Variants in TBX15 observed in about 807,000 individuals in gnomAD.
TBX15 encodes the protein T-box transcription factor 15.
TBX15 carries 18 observed loss-of-function variants against 53.9 expected under a neutral mutation model. The ratio of observed to expected loss-of-function variants is 0.33; its 90% confidence interval spans 0.23 to 0.49. TBX15 has a LOEUF of 0.49. Among genes scored for constraint, TBX15 ranks in the 20% least tolerant of loss-of-function variants. TBX15 has a pLI of 0.98. For synonymous variants in TBX15, 295 were observed against 278.0 expected (o/e 1.06, Z -0.61); for missense variants, 692 against 749.5 (o/e 0.92, Z 0.90).
At position 118,884,891 on chromosome 1, in the gene TBX15, C is replaced by A. The variant is rs1653872870; in HGVS notation, c.1650G>T (p.Gly550=). Residue 550 remains glycine (G), a synonymous_variant, in exon 8 of 8, where the codon GGG becomes GGT. Transcript: ENST00000369429. The stretch of plus-strand genomic sequence containing the variant: ...GCAGGTACTGCCTCTCTCCAAAGGC[C>A]CCGTTGGAAGGAGAAGAACAGAGTA... ...STLLCSSPSN[G]AFGERQYLPS... is the part of the protein sequence containing the mutation. 1 of 1,614,132 alleles carries A rather than the reference C, an allele frequency of 6.2e-7. No homozygotes were observed.
Position 118,893,490 on chromosome 1 carries a change from GAAA to G in TBX15, c.1024+5535_1024+5537del, listed in dbSNP as rs879870742. ...GAAAGGAAGGAAGGAAGGAAGGAAAGAAAGAAAGAAAGAAAGAAAGAAAGAAAG... is the reference window on the plus strand; with the variant it reads ...GAAAGGAAGGAAGGAAGGAAGGAAAGGAAAGAAAGAAAGAAAGAAAGAAAG... On this transcript the variant is annotated intron_variant, in intron 7 of 7. Transcript: ENST00000369429. 4.3e-3 allele frequency among the ~76,000 whole-genome samples: 365 copies of G among 85,238 alleles called. 3 individuals carry two copies. The highest frequency in any genetic ancestry group is 5.3e-3 in the South Asian group (15 of 2,808). 55.9% of individuals were successfully genotyped at this position (85,238 alleles called of 152,430 possible). A position where few individuals can be genotyped will look rare whatever the true frequency, so the allele number is the denominator to read the frequency against.
chr1:118,940,772 A>T (rs1315407180), intron 1 of TBX15, among the ~76,000 whole-genome samples: 1 of 151,950 alleles, frequency 6.6e-6, no homozygotes, highest in Non-Finnish European at 1.5e-5. Flanking sequence ...GACTTTTCTA[A>T]AACAGTCCTA....
chr1:118,983,006 G>C (rs1325937), intron 1 of TBX15, among the ~76,000 whole-genome samples: 24,417 of 152,134 alleles, frequency 0.16, 2,891 homozygotes, highest in East Asian at 0.5. Context: ...GAAAGCCTTC[G>C]CTGCCCATGA....
intron 5 of TBX15, among the ~76,000 whole-genome samples, chr1:118,919,886 T>A (rs1655365198): frequency 6.6e-6 from 1 of 152,192 alleles, no homozygotes; most frequent in Admixed American, 6.6e-5. Context: ...GTGACATTTT[T>A]ATATCAAAAA....
At chr1:118,890,030 G>T (rs1654083276) in intron 7 of TBX15, among the ~76,000 whole-genome samples, 1 of 152,148 alleles carries the variant, frequency 6.6e-6, no homozygotes. Context: ...TGCGGTGTTG[G>T]CCTCTGTCTG....
intron 6 of TBX15, among the ~76,000 whole-genome samples, chr1:118,906,910 C>T (rs1010506855): frequency 3.9e-5 from 6 of 152,196 alleles, no homozygotes; most frequent in Non-Finnish European, 8.8e-5. Flanking sequence ...CCTATTGTTT[C>T]TTCAGTGAGG....
chr1:118,987,589 A>T lies in TBX15; in HGVS notation c.205+2T>A. On this transcript the variant is annotated splice_donor_variant, in intron 1 of 7. Coordinates refer to ENST00000369429, the MANE Select transcript of TBX15 (RefSeq NM_001330677.2). LOFTEE classifies it high-confidence loss of function. ...TCCCGCGGTCGGCTGCGACGCACTCACCCGGGTGAGGCTCCAGGCCGTGTG... is the reference window on the plus strand; with the variant it reads ...TCCCGCGGTCGGCTGCGACGCACTCTCCCGGGTGAGGCTCCAGGCCGTGTG... 1 of 1,545,040 alleles carries T rather than the reference A, an allele frequency of 6.5e-7. No individual in the cohort carries two copies. The highest frequency in any genetic ancestry group is 8.7e-7 in the Non-Finnish European group (1 of 1,145,970).
intron 1 of TBX15, among the ~76,000 whole-genome samples, chr1:118,960,415 G>C (rs1656831512): frequency 6.6e-6 from 1 of 152,190 alleles, no homozygotes; most frequent in Non-Finnish European, 1.5e-5. Flanking sequence ...CACTGCCCTT[G>C]CACCTCCATC....
chr1:118,977,688 T>C (rs1246009027), intron 1 of TBX15, among the ~76,000 whole-genome samples: 1 of 152,232 alleles, frequency 6.6e-6, no homozygotes, highest in Non-Finnish European at 1.5e-5. Context: ...CCTAGGTGTA[T>C]GCTGGGCACA....
intron 7 of TBX15, among the ~76,000 whole-genome samples, chr1:118,894,218 G>T (rs993882934): frequency 3.9e-5 from 6 of 152,186 alleles, no homozygotes; most frequent in African/African-American, 1.4e-4. Context: ...GGTGATATAG[G>T]CTGAAGCTAG....
At chr1:118,916,818 A>C (rs1655243657) in intron 5 of TBX15, among the ~76,000 whole-genome samples, 1 of 152,116 alleles carries the variant, frequency 6.6e-6, no homozygotes, top group Admixed American at 6.6e-5. Context: ...GTGAGCTACG[A>C]TTGCACCACT....
intron 5 of TBX15, among the ~76,000 whole-genome samples, chr1:118,914,619 A>G (rs1259470692): frequency 2.0e-5 from 3 of 152,264 alleles, no homozygotes; most frequent in African/African-American, 7.2e-5. Flanking sequence ...CAATTCAGTT[A>G]GGTGGAATCA....
chr1:118,987,940 C>CG lies in TBX15; in HGVS notation c.-146_-145insC. ...CTGAGACTGCGGCTCGCGGGTCTCT[C>CG]CACCCTCCCCCTGCGTCCTCCTCCG... On this transcript the variant is annotated 5_prime_UTR_variant, in exon 1 of 8. Coordinates refer to ENST00000369429, the MANE Select transcript of TBX15 (RefSeq NM_001330677.2). 1.0e-6 allele frequency: 1 copy of CG among 958,354 alleles called. No individual in the cohort carries two copies. The highest frequency in any genetic ancestry group is 3.3e-4 in the Middle Eastern group (1 of 3,012). 59.4% of individuals were successfully genotyped at this position (958,354 alleles called of 1,614,324 possible). A position where few individuals can be genotyped will look rare whatever the true frequency, so the allele number is the denominator to read the frequency against.
chr1:118,932,272 T>C (rs902605698), intron 1 of TBX15, among the ~76,000 whole-genome samples: 4 of 152,228 alleles, frequency 2.6e-5, no homozygotes, highest in African/African-American at 7.2e-5. Flanking sequence ...GCAAACATTA[T>C]GTTCTTCAAT....
Position 118,987,721 on chromosome 1 carries a change from G to A in TBX15, c.75C>T (p.Gly25=), listed in dbSNP as rs1054223653. ...CTCGCAGTTTCCGTTTTTTATTTGAGCCGATCAAGGCTTCAACGGAGAAGG... is the reference window on the plus strand; with the variant it reads ...CTCGCAGTTTCCGTTTTTTATTTGAACCGATCAAGGCTTCAACGGAGAAGG... ...AHAFSVEALI[G]SNKKRKLRDW... The change falls in exon 1 of 8, where the codon GGC becomes GGT. Residue 25 remains glycine (G), a synonymous_variant. Coordinates refer to ENST00000369429, the MANE Select transcript of TBX15 (RefSeq NM_001330677.2). 1 of 1,550,414 alleles carries A rather than the reference G, an allele frequency of 6.4e-7. No individual in the cohort carries two copies. The highest frequency in any genetic ancestry group is 8.7e-7 in the Non-Finnish European group (1 of 1,146,870).
intron 3 of TBX15, 86 bp from the exon 4 acceptor site, chr1:118,924,903 G>T (rs1571178832): frequency 6.8e-7 from 1 of 1,464,672 alleles, no homozygotes; most frequent in Non-Finnish European, 9.6e-7. Context: ...ACAGGGGAAA[G>T]GAGAGAAAAA....
intron 7 of TBX15, among the ~76,000 whole-genome samples, chr1:118,893,673 G>T: frequency 6.6e-6 from 1 of 151,998 alleles, no homozygotes. Context: ...GAAAATAAAA[G>T]AATTTTGAGT....
chr1:118,965,135 C>A (rs1298149908), intron 1 of TBX15, among the ~76,000 whole-genome samples: 1 of 152,204 alleles, frequency 6.6e-6, no homozygotes, highest in Non-Finnish European at 1.5e-5. Flanking sequence ...ATTTACTCAA[C>A]ACCTTGAAAG....
intron 1 of TBX15, among the ~76,000 whole-genome samples, chr1:118,978,436 C>G (rs1388868251): frequency 6.6e-6 from 1 of 152,208 alleles, no homozygotes; most frequent in Non-Finnish European, 1.5e-5. Context: ...CCTCAGAAGT[C>G]ATTTGAGCCT....
Sources: gnomAD v4.1 joint callset for allele counts (sites outside exome capture counted in the v4.1 genomes callset) on GRCh38, gnomAD v4.1.1 for gene constraint, MANE v1.5 for transcripts, NCBI Gene and HGNC (gene_info 2026-07-23, HGNC 2026-07-21) for gene names.